The following SEPTIN9 variants were observed in gnomAD, a reference collection of about 807,000 sequenced individuals.
SEPTIN9 encodes the protein septin 9, also known as septin-9.
A neutral mutation model predicts 56.6 loss-of-function variants in SEPTIN9; 13 were observed. The observed-to-expected ratio is 0.23, with a 90% confidence interval of 0.15 to 0.37. The LOEUF is 0.37. SEPTIN9 is among the 10% of genes least tolerant of loss of function. The pLI, the probability that SEPTIN9 is intolerant of heterozygous loss-of-function variation, is 1.00. For synonymous variants in SEPTIN9, 332 were observed against 334.1 expected (o/e 0.99, Z 0.07); for missense variants, 650 against 823.1 (o/e 0.79, Z 2.57).
At chr17:77,495,884 A>C (rs2040236334) in intron 10 of SEPTIN9, among the ~76,000 whole-genome samples, 1 of 152,198 alleles carries the variant, frequency 6.6e-6, no homozygotes, top group Non-Finnish European at 1.5e-5. Context: ...TAACTTGGGG[A>C]AAAGCCATGT....
intron 4 of SEPTIN9, among the ~76,000 whole-genome samples, chr17:77,485,927 A>C (rs370684): frequency 0.57 from 85,650 of 151,470 alleles, 25,296 homozygotes; most frequent in African/African-American, 0.76. Flanking sequence ...CAGCCTCCAC[A>C]TCCTGGGTTC....
chr17:77,436,612 C>T lies in SEPTIN9; in HGVS notation c.721+33909C>T, dbSNP rs930299902. ...AGTGTCCAGCTTTTCTCGCCCCTCT[C>T]CTGCCCCGCTGGAGGGAGTGACCTG... On this transcript the variant is annotated intron_variant, in intron 3 of 11. Transcript: ENST00000427177. This position sits in a 1 kb window ranked among gnomAD's most constrained non-coding sequence, Gnocchi z 4.4. 6.6e-6 allele frequency among the ~76,000 whole-genome samples: 1 copy of T among 152,252 alleles called. No individual in the cohort carries two copies. The highest frequency in any genetic ancestry group is 1.9e-4 in the East Asian group (1 of 5,188).
chr17:77,457,630 G>A (rs927530413), intron 3 of SEPTIN9, among the ~76,000 whole-genome samples: 1 of 152,240 alleles, frequency 6.6e-6, no homozygotes, highest in Non-Finnish European at 1.5e-5. Context: ...CAGTCTTCCA[G>A]AACAGCCGAT....
At chr17:77,316,380 C>G (rs189132613) in intron 2 of SEPTIN9, among the ~76,000 whole-genome samples, 3 of 152,224 alleles carry the variant, frequency 2.0e-5, no homozygotes, top group African/African-American at 7.2e-5. Context: ...AGTGATCCCC[C>G]GCCTGGGCCA....
At chr17:77,457,568 G>A (rs1223834391) in intron 3 of SEPTIN9, among the ~76,000 whole-genome samples, 1 of 152,226 alleles carries the variant, frequency 6.6e-6, no homozygotes, top group Admixed American at 6.5e-5. Context: ...AGTCCAAGTT[G>A]TGGCCTCAAA....
intron 3 of SEPTIN9, chr17:77,472,736 G>A (rs1455801181): frequency 6.6e-6 from 1 of 152,240 alleles, no homozygotes; most frequent in African/African-American, 2.4e-5. Context: ...GGAAGGCAGA[G>A]TCTCAGATTT....
chr17:77,359,417 C>T (rs2034348252), intron 2 of SEPTIN9, among the ~76,000 whole-genome samples: 1 of 152,212 alleles, frequency 6.6e-6, no homozygotes, highest in South Asian at 2.1e-4. Flanking sequence ...GCAAGAAAAA[C>T]GTCTTCCAAT....
chr17:77,359,752 C>T (rs549899202), intron 2 of SEPTIN9, among the ~76,000 whole-genome samples: 5 of 152,104 alleles, frequency 3.3e-5, no homozygotes, highest in Non-Finnish European at 7.4e-5. Context: ...GCTATGATTG[C>T]ACCACTGCAC....
chr17:77,422,875 G>A (rs1419562835), intron 3 of SEPTIN9, among the ~76,000 whole-genome samples: 1 of 152,132 alleles, frequency 6.6e-6, no homozygotes, highest in Non-Finnish European at 1.5e-5. Flanking sequence ...AGCCTCCAGG[G>A]GACACTTGTG....
In SEPTIN9 at chr17:77,384,646, G is replaced by T. The variant is rs181450179; in HGVS notation, c.77-17413G>T. ...CTGAGCCAGAACCACCAAGAGTTGG[G>T]GACCAGCAGTCCATTTTTTAGCAAG... is the stretch of plus-strand genomic sequence containing the variant. On this transcript the variant is annotated intron_variant, in intron 2 of 11. Transcript: ENST00000427177. 4.2e-3 allele frequency among the ~76,000 whole-genome samples: 632 copies of T among 151,766 alleles called. 8 individuals are homozygous for T. The highest frequency in any genetic ancestry group is 3.7e-3 in the Non-Finnish European group (248 of 67,866).
intron 3 of SEPTIN9, among the ~76,000 whole-genome samples, chr17:77,479,200 C>G (rs2039346458): frequency 6.6e-6 from 1 of 152,234 alleles, no homozygotes. Flanking sequence ...CCAGTGGCTA[C>G]CACGCTGAGC....
chr17:77,399,119 G>A (rs183604874), intron 2 of SEPTIN9, among the ~76,000 whole-genome samples: 224 of 152,340 alleles, frequency 1.5e-3, no homozygotes, highest in Non-Finnish European at 2.7e-3. Flanking sequence ...TGATCCGCTT[G>A]TGCACGTGGG....
Position 77,329,987 on chromosome 17 carries a change from A to G in SEPTIN9, c.76+22790A>G, listed in dbSNP as rs956573286. 2.1e-4 allele frequency among the ~76,000 whole-genome samples: 32 copies of G among 152,110 alleles called. No homozygotes were observed. Among genetic ancestry groups the G allele is most frequent in the African/African-American group, 7.7e-4 (32 of 41,418 alleles). On this transcript the variant is annotated intron_variant, in intron 2 of 11. Transcript: ENST00000427177. This position sits in a 1 kb window ranked among gnomAD's most constrained non-coding sequence, Gnocchi z 4.3. ...AGTCCATGCCCCCGCTCCAGGCAAC[A>G]CAGTCGAGCTGCAGCCCCCGCTCCA... is the stretch of plus-strand genomic sequence containing the variant.
chr17:77,305,190 A>C (rs1218807520), intron 1 of SEPTIN9, among the ~76,000 whole-genome samples: 1 of 151,998 alleles, frequency 6.6e-6, no homozygotes, highest in African/African-American at 2.4e-5. Context: ...GAGCAGAGTG[A>C]GTGGGCACCA....
At chr17:77,443,435 TAA>T (rs2037622537) in intron 3 of SEPTIN9, among the ~76,000 whole-genome samples, 1 of 152,222 alleles carries the variant, frequency 6.6e-6, no homozygotes, top group Non-Finnish European at 1.5e-5. Context: ...AGTCACATTT[TAA>T]GTTATTATCA....
At chr17:77,292,175 G>A (rs2031589393) in intron 1 of SEPTIN9, among the ~76,000 whole-genome samples, 1 of 152,128 alleles carries the variant, frequency 6.6e-6, no homozygotes, top group African/African-American at 2.4e-5. Flanking sequence ...CACTCACCCT[G>A]CTGACTCATT....
chr17:77,457,499 G>C (rs545604026), intron 3 of SEPTIN9, among the ~76,000 whole-genome samples: 88 of 152,324 alleles, frequency 5.8e-4, no homozygotes, highest in African/African-American at 2.0e-3. Flanking sequence ...GTGTTTATGC[G>C]CTGGGCCTTG....
At chr17:77,365,273 G>A (rs1240485587) in intron 2 of SEPTIN9, among the ~76,000 whole-genome samples, 2 of 152,068 alleles carry the variant, frequency 1.3e-5, no homozygotes, top group African/African-American at 2.4e-5. Flanking sequence ...CTCCCTTATT[G>A]AGTCTCTGCT....
At chr17:77,337,809 A>G (rs1346385527) in intron 2 of SEPTIN9, among the ~76,000 whole-genome samples, 2 of 152,228 alleles carry the variant, frequency 1.3e-5, no homozygotes, top group Non-Finnish European at 2.9e-5. Flanking sequence ...TCGTAATACA[A>G]GCATACCTAG....
Sources: gnomAD v4.1 joint callset for allele counts (sites outside exome capture counted in the v4.1 genomes callset) on GRCh38, gnomAD v4.1.1 for gene constraint, Gnocchi (gnomAD v3.1) non-coding constraint, MANE v1.5 for transcripts, NCBI Gene and HGNC (gene_info 2026-07-23, HGNC 2026-07-21) for gene names.